Variants in PKNOX2 observed in about 807,000 individuals in gnomAD.
PKNOX2 encodes homeobox protein PKNOX2.
A neutral mutation model predicts 53.1 loss-of-function variants in PKNOX2; 14 were observed. That is an observed-to-expected ratio of 0.26 (90% CI 0.17 to 0.41). The LOEUF (loss-of-function observed/expected upper bound fraction) is 0.41, where lower values mean the gene tolerates loss of function less well. PKNOX2 is among the 10% of genes least tolerant of loss of function. PKNOX2 has a pLI of 1.00. For synonymous variants in PKNOX2, 257 were observed against 242.8 expected (o/e 1.06, Z -0.54); for missense variants, 496 against 602.8 (o/e 0.82, Z 1.85).
chr11:125,278,723 G>C (rs1057069886), intron 2 of PKNOX2, among the ~76,000 whole-genome samples: 15 of 152,210 alleles, frequency 9.9e-5, no homozygotes, highest in African/African-American at 3.4e-4. Flanking sequence ...TTGGCATCCA[G>C]TAATGGCAGG....
intron 1 of PKNOX2, among the ~76,000 whole-genome samples, chr11:125,204,662 T>C (rs956937901): frequency 3.9e-5 from 6 of 152,222 alleles, no homozygotes; most frequent in African/African-American, 1.4e-4. Context: ...TCGCCTCCCA[T>C]TTCAATTGTG....
rs923557246 is a variant in PKNOX2, at chr11:125,309,159, CCTTCCTTCCTTCCTCTCTCTCTTT to C, written c.-129-22639_-129-22616del. Among the ~76,000 whole-genome samples, 13 of 150,132 alleles carry C rather than the reference CCTTCCTTCCTTCCTCTCTCTCTTT, an allele frequency of 8.7e-5. 1 individual carries two copies. In the East Asian group the frequency reaches 2.2e-3, roughly 25 times the overall value. On this transcript the variant is annotated intron_variant, in intron 2 of 12. Transcript: ENST00000298282. Reference sequence around the variant, plus strand: ...TCTTTCTTTCTTTCTTTCTTTCTTTCCTTCCTTCCTTCCTCTCTCTCTTTCTTCCTTCCTTCCTCTCTCTTCCTT... The same window carrying C: ...TCTTTCTTTCTTTCTTTCTTTCTTTCCTTCCTTCCTTCCTCTCTCTTCCTT...
intron 2 of PKNOX2, among the ~76,000 whole-genome samples, chr11:125,274,435 C>T (rs149791465): frequency 1.6e-4 from 24 of 152,322 alleles, no homozygotes; most frequent in African/African-American, 4.3e-4. Context: ...TTTGCCTCTG[C>T]GGTGCCAGCC....
At chr11:125,401,273 C>T (rs559773637) in intron 7 of PKNOX2, among the ~76,000 whole-genome samples, 3 of 152,116 alleles carry the variant, frequency 2.0e-5, no homozygotes, top group Admixed American at 6.5e-5. Flanking sequence ...ATACTGAGAA[C>T]GACGGGGCAG....
rs1949711347 is a variant in PKNOX2, at chr11:125,324,374, G to A, written c.-129-7445G>A. The stretch of plus-strand genomic sequence containing the variant: ...TTCTTCGTAAAGGAGATCAGCATGT[G>A]GTGTGTTATACACTCCACATGTCCT... On this transcript the variant is annotated intron_variant, in intron 2 of 12. Transcript: ENST00000298282. Among the ~76,000 whole-genome samples the A allele has an allele frequency of 2.6e-5, 4 of 152,116 alleles. No individual in the cohort carries two copies. In the South Asian group the frequency reaches 8.3e-4, roughly 32 times the overall value.
chr11:125,404,958 C>T (rs1002975140), intron 7 of PKNOX2, among the ~76,000 whole-genome samples: 13 of 152,332 alleles, frequency 8.5e-5, no homozygotes, highest in African/African-American at 2.4e-4. Context: ...CCGACCCCCA[C>T]CCGCCCCGAG....
At chr11:125,408,906 C>G (rs1053267622) in intron 7 of PKNOX2, among the ~76,000 whole-genome samples, 1 of 152,230 alleles carries the variant, frequency 6.6e-6, no homozygotes, top group Non-Finnish European at 1.5e-5. Flanking sequence ...AACCGGGAAG[C>G]TGGGGCCTTC....
At chr11:125,351,800 G>A (rs1488700224) in intron 4 of PKNOX2, among the ~76,000 whole-genome samples, 2 of 152,106 alleles carry the variant, frequency 1.3e-5, no homozygotes, top group East Asian at 3.9e-4. Flanking sequence ...AGGTTTCTGA[G>A]TGCCAGGCCC....
intron 2 of PKNOX2, among the ~76,000 whole-genome samples, chr11:125,315,557 C>T (rs1406074918): frequency 2.6e-5 from 4 of 152,126 alleles, no homozygotes; most frequent in Admixed American, 2.6e-4. Context: ...CGGTGGGAGG[C>T]CTTTGCTCAA....
At chr11:125,311,899 G>C (rs1218809270) in intron 2 of PKNOX2, among the ~76,000 whole-genome samples, 1 of 152,106 alleles carries the variant, frequency 6.6e-6, no homozygotes, top group Non-Finnish European at 1.5e-5. Context: ...ACTGAGCTTA[G>C]AATCAAAACA....
intron 1 of PKNOX2, chr11:125,184,271 G>C (rs1367905780): frequency 6.6e-6 from 1 of 152,228 alleles, no homozygotes; most frequent in Non-Finnish European, 1.5e-5. Flanking sequence ...GGAGACTTCT[G>C]GAAGAGGTGG....
intron 3 of PKNOX2, among the ~76,000 whole-genome samples, chr11:125,341,616 C>T (rs1174593322): frequency 2.0e-5 from 3 of 152,190 alleles, no homozygotes; most frequent in East Asian, 1.9e-4. Flanking sequence ...TGATTATTCC[C>T]GCCTTGATTT....
chr11:125,289,277 GCATGCCA>G (rs1242879937), intron 2 of PKNOX2, among the ~76,000 whole-genome samples: 1 of 152,218 alleles, frequency 6.6e-6, no homozygotes, highest in African/African-American at 2.4e-5. Flanking sequence ...ATGACTGACT[GCATGCCA>G]CATGCTATAG....
intron 2 of PKNOX2, among the ~76,000 whole-genome samples, chr11:125,236,069 A>G (rs563648565): frequency 6.6e-6 from 1 of 152,278 alleles, no homozygotes; most frequent in East Asian, 1.9e-4. Context: ...TAAATGATTA[A>G]CCGTTATCAG....
At chr11:125,355,288 A>G (rs1196601264) in intron 4 of PKNOX2, among the ~76,000 whole-genome samples, 1 of 151,986 alleles carries the variant, frequency 6.6e-6, no homozygotes, top group Middle Eastern at 3.4e-3. Context: ...AAAAAAAAAA[A>G]AAAAAGAAAG....
At chr11:125,231,225 A>G (rs1942180792) in intron 1 of PKNOX2, among the ~76,000 whole-genome samples, 1 of 152,146 alleles carries the variant, frequency 6.6e-6, no homozygotes, top group African/African-American at 2.4e-5. Flanking sequence ...CCCCCAGCTA[A>G]TCTTCCTCTT....
At chr11:125,361,282 G>T (rs1951909884) in intron 4 of PKNOX2, among the ~76,000 whole-genome samples, 1 of 152,198 alleles carries the variant, frequency 6.6e-6, no homozygotes, top group South Asian at 2.1e-4. Context: ...ACAGCAGCAT[G>T]CTGAGGGCCA....
At chr11:125,386,379 G>A (rs1953633530) in intron 6 of PKNOX2, among the ~76,000 whole-genome samples, 1 of 152,226 alleles carries the variant, frequency 6.6e-6, no homozygotes, top group Admixed American at 6.5e-5. Context: ...TTCCTGGGCA[G>A]TTGCAATTGT....
chr11:125,212,449 C>CTTTTTT (rs796083611), intron 1 of PKNOX2, among the ~76,000 whole-genome samples: 1 of 105,396 alleles, frequency 9.5e-6, no homozygotes, highest in Non-Finnish European at 2.0e-5. Flanking sequence ...GGAGGGGATT[C>CTTTTTT]TTTTTTTTTT....
Sources: allele counts gnomAD v4.1 joint callset (sites outside exome capture counted in the v4.1 genomes callset), GRCh38; gene constraint gnomAD v4.1.1; transcripts MANE v1.5; gene names NCBI Gene and HGNC (gene_info 2026-07-23, HGNC 2026-07-21).